Variants in ADAMTS20 observed in about 807,000 individuals in gnomAD.
ADAMTS20 encodes ADAM metallopeptidase with thrombospondin type 1 motif 20.
ADAMTS20 carries 225 observed loss-of-function variants against 260.1 expected under a neutral mutation model. The ratio of observed to expected loss-of-function variants is 0.87; its 90% CI spans 0.78 to 0.97. The LOEUF (loss-of-function observed/expected upper bound fraction) is 0.97. Ranked by LOEUF, ADAMTS20 falls within the 50% of genes least tolerant of loss-of-function variation. The pLI, the probability that ADAMTS20 is intolerant of heterozygous loss-of-function variation, is 0.00. For missense variants in ADAMTS20, 2,400 were observed against 2,337.7 expected (o/e 1.03, Z -0.55); for synonymous variants, 802 against 769.5 (o/e 1.04, Z -0.70).
intron 16 of ADAMTS20, 69 bp from the exon 17 acceptor site, chr12:43,440,138 ACTTT>A: frequency 2.0e-6 from 2 of 1,024,276 alleles, no homozygotes; most frequent in Non-Finnish European, 2.7e-6. Flanking sequence ...CACTTGTTTA[ACTTT>A]TTTTTTTTTT....
Position 43,425,517 on chromosome 12 carries a change from T to C in ADAMTS20, c.4281A>G (p.Thr1427=), listed in dbSNP as rs1565691542. The change falls in exon 28 of 39, where the codon ACA becomes ACG. Residue 1427 remains threonine, a synonymous_variant. Transcript: ENST00000389420. ...ADVSWHQEPW[T]SCSASCGKGR... ...ACAGACAAGAGTGCTATCATACCGA[T>C]GTCCATGGTTCCTGATGCCATGACA... 6.6e-7 allele frequency: 1 copy of C among 1,510,818 alleles called. No homozygotes were observed. The highest frequency in any genetic ancestry group is 8.9e-7 in the Non-Finnish European group (1 of 1,118,494). The allele number at this position is 1,510,818 out of a possible 1,614,324, so 93.6% of individuals were successfully genotyped here.
At position 43,354,281 on chromosome 12, in the gene ADAMTS20, G is replaced by A. The variant is rs532727506; in HGVS notation, c.5661C>T (p.Phe1887=). 9.4e-6 allele frequency: 15 copies of A among 1,588,160 alleles called. No homozygotes were observed. Among genetic ancestry groups the A allele is most frequent in the East Asian group, 4.5e-5 (2 of 44,212 alleles). ...IRRSEDGTRF[F]GKCGGYCGKC... ...TTCCACAGTACCCTCCACATTTGCC[G>A]AAAAATCTAGTTCCATCCTGAAAAT... Residue 1887 remains phenylalanine (F), a synonymous_variant, in exon 39 of 39, where the codon TTC becomes TTT. Transcript: ENST00000389420.
intron 7 of ADAMTS20, among the ~76,000 whole-genome samples, chr12:43,486,129 T>C (rs377660732): frequency 6.6e-6 from 1 of 152,042 alleles, no homozygotes; most frequent in Admixed American, 6.6e-5. Flanking sequence ...AAGGCAATCC[T>C]AAGCAAAAAG....
chr12:43,503,655 T>C (rs1942800136), intron 3 of ADAMTS20, among the ~76,000 whole-genome samples: 1 of 152,132 alleles, frequency 6.6e-6, no homozygotes, highest in African/African-American at 2.4e-5. Context: ...CACAGATTAT[T>C]TCGTTACCCA....
In ADAMTS20 at chr12:43,551,231, A is replaced by G; in HGVS notation, c.131T>C (p.Ile44Thr). 1.2e-6 allele frequency: 2 copies of G among 1,613,808 alleles called. No individual in the cohort carries two copies. Among genetic ancestry groups the G allele is most frequent in the Middle Eastern group, 1.6e-4 (1 of 6,062 alleles). Residue 44 changes from isoleucine (I) to threonine (T), a missense_variant, in exon 2 of 39, where the codon ATC becomes ACC. Coordinates refer to ENST00000389420, the MANE Select transcript of ADAMTS20 (RefSeq NM_025003.5). This position sits in a 1 kb window ranked among gnomAD's most constrained non-coding sequence, Gnocchi z 4.6. ...TCCAAACTCATTGACCCGCTCGGGG[A>G]TCACTACTTCGTAGGAGGTCAGTGT... ...VRTLTSYEVV[I>T]PERVNEFGEV...
intron 10 of ADAMTS20, 44 bp downstream of exon 10, chr12:43,464,547 T>G: frequency 6.3e-7 from 1 of 1,594,800 alleles, no homozygotes; most frequent in Non-Finnish European, 8.5e-7. Context: ...TAAGATAACT[T>G]TATGGCAGTT....
At position 43,428,368 on chromosome 12, in the gene ADAMTS20, G is replaced by A. The variant is rs7310011; in HGVS notation, c.3818C>T (p.Ser1273Phe). The A allele has an allele frequency of 0.032, 51,420 of 1,613,832 alleles. 1,025 individuals carry two copies. The highest frequency in any genetic ancestry group is 0.083 in the East Asian group (3,709 of 44,860). ...TAGATAATAGCTTGGCTGCACAGGG[G>A]AACTAGGAAAGTGGCTGTGTGCAGG... ...CPPAHSHFPS[S>F]PVQPSYYLST... Residue 1273 changes from serine to phenylalanine, a missense_variant, in exon 26 of 39, where the codon TCC becomes TTC. Coordinates refer to ENST00000389420, the MANE Select transcript of ADAMTS20 (RefSeq NM_025003.5).
intron 28 of ADAMTS20, among the ~76,000 whole-genome samples, chr12:43,400,185 T>A (rs1475398445): frequency 1.3e-5 from 2 of 152,012 alleles, no homozygotes; most frequent in South Asian, 4.1e-4. Flanking sequence ...TATTGACAAT[T>A]TCAGCATGAT....
Position 43,410,824 on chromosome 12 carries a change from G to A in ADAMTS20, c.4285-11591C>T, listed in dbSNP as rs1941017158. On this transcript the variant is annotated intron_variant, in intron 28 of 38. Transcript: ENST00000389420. ...TACTTCAGAGTGCAGAATGAGAATT[G>A]GAAGCAAATGTTTACTTAGTTTTCC... Among the ~76,000 whole-genome samples the A allele has an allele frequency of 3.3e-5, 5 of 152,172 alleles. No individual in the cohort carries two copies. In the South Asian group the frequency reaches 1.0e-3, roughly 32 times the overall value.
At chr12:43,397,128 AAAC>A (rs1295171492) in intron 29 of ADAMTS20, among the ~76,000 whole-genome samples, 2 of 152,220 alleles carry the variant, frequency 1.3e-5, no homozygotes, top group African/African-American at 4.8e-5. Context: ...ACAATATTGG[AAAC>A]ATAATAATTT....
At chr12:43,432,049 C>T (rs1941454709) in intron 21 of ADAMTS20, among the ~76,000 whole-genome samples, 1 of 151,904 alleles carries the variant, frequency 6.6e-6, no homozygotes, top group African/African-American at 2.4e-5. Context: ...AGCTAAATTT[C>T]ACTATGTTGC....
At chr12:43,489,688 G>A (rs544869223) in intron 7 of ADAMTS20, among the ~76,000 whole-genome samples, 2 of 151,810 alleles carry the variant, frequency 1.3e-5, no homozygotes, top group Non-Finnish European at 2.9e-5. Context: ...TTATAAATGT[G>A]AATATTAGCT....
Position 43,429,678 on chromosome 12 carries a change from G to A in ADAMTS20, c.3428C>T (p.Ala1143Val). Reference protein sequence around the residue: ...PCSFISKLETALLPTVLIKKM... With the variant: ...PCSFISKLETVLLPTVLIKKM... ...TTTTATGAGAACAGTTGGTAATAAA[G>A]CGGTCTCAAGTTTAGAAATAAATGA... Residue 1143 changes from alanine to valine, a missense_variant, in exon 24 of 39, where the codon GCT becomes GTT. Coordinates refer to ENST00000389420, the MANE Select transcript of ADAMTS20 (RefSeq NM_025003.5). 6.3e-7 allele frequency: 1 copy of A among 1,598,432 alleles called. No individual in the cohort carries two copies. The highest frequency in any genetic ancestry group is 1.1e-5 in the South Asian group (1 of 88,208).
intron 16 of ADAMTS20, among the ~76,000 whole-genome samples, chr12:43,443,194 T>C (rs781434886): frequency 1.3e-5 from 2 of 152,210 alleles, no homozygotes; most frequent in Non-Finnish European, 2.9e-5. Flanking sequence ...TTTTAAAGCA[T>C]CATTTTCATG....
chr12:43,373,933 C>A (rs1940165319), intron 36 of ADAMTS20, among the ~76,000 whole-genome samples: 1 of 151,942 alleles, frequency 6.6e-6, no homozygotes, highest in Non-Finnish European at 1.5e-5. Flanking sequence ...CCCGCCTCGG[C>A]CTCCCAAAGT....
rs1185771481 is a variant in ADAMTS20 at position 43,369,312 on chromosome 12, T to C, written c.5516A>G (p.Tyr1839Cys). 6.4e-7 allele frequency: 1 copy of C among 1,553,316 alleles called. No homozygotes were observed. The highest frequency in any genetic ancestry group is 2.4e-5 in the East Asian group (1 of 41,328). The change falls in exon 37 of 39, where the codon TAC becomes TGC. Residue 1839 changes from tyrosine to cysteine, a missense_variant. Tyr to Cys is a radical substitution (Grantham distance 194). Transcript: ENST00000389420. ...AVPFATAGDC[Y>C]SAFRCPQGQF... ...TACCTGTGGGCATCTGAAAGCACTG[T>C]AGCAATCTCCAGCTGTGGCAAATGG...
At chr12:43,356,697 A>G (rs1939753506) in intron 37 of ADAMTS20, 109 bp from the exon 38 acceptor site, 1 of 697,820 alleles carries the variant, frequency 1.4e-6, no homozygotes, top group Non-Finnish European at 2.4e-6. Context: ...ATATAATGTT[A>G]TTTGTGGAGA....
At chr12:43,422,703 G>A (rs999444268) in intron 28 of ADAMTS20, 2 of 151,974 alleles carry the variant, frequency 1.3e-5, no homozygotes, top group Non-Finnish European at 2.9e-5. Flanking sequence ...AGTGCAAAGA[G>A]TGAATTATTC....
At chr12:43,531,402 C>T (rs1018286399) in intron 3 of ADAMTS20, among the ~76,000 whole-genome samples, 1 of 151,766 alleles carries the variant, frequency 6.6e-6, no homozygotes, top group Non-Finnish European at 1.5e-5. Flanking sequence ...TGATTATTTG[C>T]TACCAATCTC....
Sources: gnomAD v4.1 joint callset for allele counts (sites outside exome capture counted in the v4.1 genomes callset) on GRCh38, gnomAD v4.1.1 for gene constraint, Gnocchi (gnomAD v3.1) non-coding constraint, MANE v1.5 for transcripts, NCBI Gene and HGNC (gene_info 2026-07-23, HGNC 2026-07-21) for gene names.